INF2: variants seen among roughly 807,000 people sequenced by gnomAD.
INF2 encodes inverted formin 2.
INF2 carries 43 observed loss-of-function variants against 123.5 expected under a neutral mutation model. The ratio of observed to expected loss-of-function variants is 0.35; its 90% CI spans 0.27 to 0.45. INF2 has a LOEUF of 0.45. INF2 is among the 20% of genes least tolerant of loss of function. INF2 has a pLI of 1.00. For missense variants in INF2, 1,453 were observed against 1,682.7 expected (o/e 0.86, Z 2.39); for synonymous variants, 851 against 745.0 (o/e 1.14, Z -2.32).
intron 15 of INF2, 42 bp from the exon 16 acceptor site, chr14:104,711,587 A>G (rs754616003): frequency 6.4e-6 from 10 of 1,558,758 alleles, no homozygotes; most frequent in Non-Finnish European, 8.8e-6. Context: ...CCAGGTGGAG[A>G]GTATGACCAC....
intron 13 of INF2, 21 bp from the exon 14 acceptor site, chr14:104,710,916 C>T (rs1446930405): frequency 1.2e-6 from 2 of 1,610,210 alleles, no homozygotes; most frequent in African/African-American, 1.3e-5. Context: ...AGCCCCTCTC[C>T]AGCCCTGGCT....
intron 1 of INF2, among the ~76,000 whole-genome samples, chr14:104,698,837 G>A (rs1431971643): frequency 6.6e-6 from 1 of 152,208 alleles, no homozygotes; most frequent in Non-Finnish European, 1.5e-5. Context: ...TCTATGCCGG[G>A]CCGCAGCCCA....
rs757988412 is a variant in INF2 at position 104,713,526 on chromosome 14, G to A, written c.2960G>A (p.Arg987Gln). 13 of 1,611,506 alleles carry A rather than the reference G, an allele frequency of 8.1e-6. No individual in the cohort carries two copies. Among genetic ancestry groups the A allele is most frequent in the Admixed American group, 3.3e-5 (2 of 59,884 alleles). Residue 987 changes from arginine (R) to glutamine (Q), a missense_variant, in exon 20 of 23, where the codon CGG (arginine) becomes CAG (glutamine). Arg to Gln is a conservative substitution (Grantham distance 43). This residue lies in a region of INF2 where 212 missense variants were observed against 266.2 expected (regional missense o/e 0.80). Transcript: ENST00000392634. ...GACATCAGGAAGGGCTTCCAGCTGC[G>A]GAAGACAGCCCGGGGCCGCGGGGAC... ...LADIRKGFQL[R>Q]KTARGRGDTD... is the part of the protein sequence containing the mutation.
rs1047172155 is a variant in INF2 at position 104,709,290 on chromosome 14, G to C, written c.1959G>C (p.Glu653Asp). 2 of 1,612,590 alleles carry C rather than the reference G, an allele frequency of 1.2e-6. No individual in the cohort carries two copies. Among genetic ancestry groups the C allele is most frequent in the African/African-American group, 2.7e-5 (2 of 74,926 alleles). ...CCTCTCCCTGCTCCAGCTCCAACGA[G>C]GAGGTCGCTGCTATGATCCGGGCTG... ...IFLKQFKCSN[E>D]EVAAMIRAGD... Residue 653 changes from glutamate (E) to aspartate (D), a missense_variant, in exon 11 of 23, where the codon GAG becomes GAC. Coordinates refer to ENST00000392634, the MANE Select transcript of INF2 (RefSeq NM_022489.4).
chr14:104,686,335 T>G (rs1215819200), upstream of INF2, among the ~76,000 whole-genome samples: 1 of 128,166 alleles, frequency 7.8e-6, no homozygotes, highest in Non-Finnish European at 1.6e-5. Flanking sequence ...ATGAGTGGAT[T>G]AAGGGTGAAT....
chr14:104,718,169 A>G (rs1472793705), intron 22 of INF2, among the ~76,000 whole-genome samples: 1 of 152,208 alleles, frequency 6.6e-6, no homozygotes, highest in Admixed American at 6.5e-5. Flanking sequence ...GTGGTTCTCA[A>G]ACCCTGCTTG....
chr14:104,694,643 G>T (rs987830038), intron 1 of INF2, among the ~76,000 whole-genome samples: 6 of 152,170 alleles, frequency 3.9e-5, no homozygotes, highest in African/African-American at 1.2e-4. Flanking sequence ...CCGGTCAGCG[G>T]AAGAGCCCAG....
intron 16 of INF2, 150 bp from the exon 17 acceptor site, chr14:104,712,283 C>G (rs1235462337): frequency 9.7e-7 from 1 of 1,034,434 alleles, no homozygotes; most frequent in Non-Finnish European, 1.4e-6. Context: ...CTGGAACAGG[C>G]ACTCAACCCC....
In INF2 at chr14:104,714,717, G is replaced by T; in HGVS notation, c.3555G>T (p.Leu1185=). The T allele has an allele frequency of 6.2e-7, 1 of 1,608,468 alleles. No homozygotes were observed. The highest frequency in any genetic ancestry group is 2.2e-5 in the East Asian group (1 of 44,810). Residue 1185 remains leucine (L), a synonymous_variant, in exon 21 of 23, where the codon CTG becomes CTT. Transcript: ENST00000392634. ...AGGACACGGCCCCAGAGTCCGCACT[G>T]GACACATCCCTGGACAAGTCCTTCT... ...DEEDTAPESA[L]DTSLDKSFSE...
Position 104,722,428 on chromosome 14 carries a change from C to T in INF2, c.*3635C>T, listed in dbSNP as rs1389213291. 2 of 152,248 alleles carry T rather than the reference C, an allele frequency of 1.3e-5. No homozygotes were observed. Among genetic ancestry groups the T allele is most frequent in the Admixed American group, 6.5e-5 (1 of 15,288 alleles). 9.4% of individuals were successfully genotyped at this position (152,248 alleles called of 1,614,324 possible). ...CAGGAAGGGCTCAGAGCTGGTGGCCCCCCCCAGGCCTTGGCAGCACCTCCT... is the reference window on the plus strand; with the variant it reads ...CAGGAAGGGCTCAGAGCTGGTGGCCTCCCCCAGGCCTTGGCAGCACCTCCT... On this transcript the variant is annotated 3_prime_UTR_variant, in exon 23 of 23. Transcript: ENST00000392634.
rs1890547045 is a variant in INF2, at chr14:104,721,239, G to A, written c.*2446G>A. ...CTGTGGACGTCTGCGTCGTCCTCGTGTGGATGCTGCTGTGGACGTCTGCGT... is the reference window on the plus strand; with the variant it reads ...CTGTGGACGTCTGCGTCGTCCTCGTATGGATGCTGCTGTGGACGTCTGCGT... On this transcript the variant is annotated 3_prime_UTR_variant, in exon 23 of 23. Coordinates refer to ENST00000392634, the MANE Select transcript of INF2 (RefSeq NM_022489.4). The A allele has an allele frequency of 8.3e-6, 1 of 120,784 alleles. No homozygotes were observed. Among genetic ancestry groups the A allele is most frequent in the African/African-American group, 3.3e-5 (1 of 30,426 alleles). The allele number at this position is 120,784 out of a possible 1,614,324, so 7.5% of individuals were successfully genotyped here.
rs1437161498 is a variant in INF2 at position 104,707,573 on chromosome 14, G to A, written c.1306G>A (p.Glu436Lys). ...ACCCCTGCTCCCTGGTTCCAGTGCCGAGCCCCCTCCCCCTCCCCCACCACC... is the reference window on the plus strand; with the variant it reads ...ACCCCTGCTCCCTGGTTCCAGTGCCAAGCCCCCTCCCCCTCCCCCACCACC... The part of the protein sequence containing the change: ...PPPLLPGSSA[E>K]PPPPPPPPPL... Residue 436 changes from glutamate (E) to lysine (K), a missense_variant, in exon 8 of 23, where the codon GAG becomes AAG. Physicochemically the swap from Glu to Lys is moderately conservative, Grantham distance 56. Transcript: ENST00000392634. The A allele has an allele frequency of 5.7e-6, 7 of 1,232,150 alleles. No homozygotes were observed. Among genetic ancestry groups the A allele is most frequent in the South Asian group, 2.7e-5 (2 of 72,752 alleles). The allele number at this position is 1,232,150 out of a possible 1,614,324, so 76.3% of individuals were successfully genotyped here.
In INF2 at chr14:104,715,357, C is replaced by T. The variant is rs756443496; in HGVS notation, c.*1+17C>T. On this transcript the variant is annotated intron_variant, in intron 22 of 22. Transcript: ENST00000392634. ...TCCAGTAAGGTATGTACGCAGCCGGCGCTCCGTGGGGGCTAACAGCAGCTG... is the reference window on the plus strand; with the variant it reads ...TCCAGTAAGGTATGTACGCAGCCGGTGCTCCGTGGGGGCTAACAGCAGCTG... 1.1e-5 allele frequency: 17 copies of T among 1,610,844 alleles called. No homozygotes were observed. The highest frequency in any genetic ancestry group is 6.7e-5 in the Admixed American group (4 of 60,008).
At chr14:104,710,224 G>C (rs1279061746) in intron 13 of INF2, 36 bp downstream of exon 13, 13 of 1,467,268 alleles carry the variant, frequency 8.9e-6, no homozygotes, top group Non-Finnish European at 1.2e-5. Flanking sequence ...GTGCAGGAGG[G>C]ACAGGCCTCC....
At chr14:104,682,561 G>A (rs1039482527) in intron 1 of INF2, among the ~76,000 whole-genome samples, 3 of 152,300 alleles carry the variant, frequency 2.0e-5, no homozygotes, top group Admixed American at 1.3e-4. Flanking sequence ...CGTGGGGAAG[G>A]CAGAGCGGGC....
intron 1 of INF2, among the ~76,000 whole-genome samples, chr14:104,698,136 C>G (rs1252408959): frequency 6.6e-6 from 1 of 152,254 alleles, no homozygotes; most frequent in Non-Finnish European, 1.5e-5. Flanking sequence ...CTGGTGGCCC[C>G]GCCAACCCAC....
At chr14:104,681,421 T>C (rs928363981) in exon 1 of INF2, 11 of 510,872 alleles carry the variant, frequency 2.2e-5, no homozygotes, top group Non-Finnish European at 4.0e-5. Flanking sequence ...TTATGTCACA[T>C]CTGGCTCTCA....
At chr14:104,692,908 A>G (rs1889022114) in intron 1 of INF2, among the ~76,000 whole-genome samples, 1 of 152,252 alleles carries the variant, frequency 6.6e-6, no homozygotes. Context: ...GAGAAGGGCC[A>G]GCCTGGGCTG....
chr14:104,701,637 G>A lies in INF2; in HGVS notation c.272G>A (p.Arg91His). 1 of 1,600,508 alleles carries A rather than the reference G, an allele frequency of 6.2e-7. No individual in the cohort carries two copies. The highest frequency in any genetic ancestry group is 2.2e-5 in the East Asian group (1 of 44,628). The part of the protein sequence containing the change: ...LARLSGRGVA[R>H]ISDALLQLTC... ...CGGCTGTCGGGCCGCGGCGTTGCAC[G>A]TATCTCCGACGCCCTGCTGCAGCTC... The change falls in exon 2 of 23, where the codon CGT becomes CAT. Residue 91 changes from arginine (R) to histidine (H), a missense_variant. Coordinates refer to ENST00000392634, the MANE Select transcript of INF2 (RefSeq NM_022489.4).
Sources: allele counts gnomAD v4.1 joint callset (sites outside exome capture counted in the v4.1 genomes callset), GRCh38; gene constraint gnomAD v4.1.1; regional missense constraint gnomAD v4.1.1; transcripts MANE v1.5; gene names NCBI Gene and HGNC (gene_info 2026-07-23, HGNC 2026-07-21).